BMPR1B: variants seen among roughly 807,000 people sequenced by gnomAD.
BMPR1B encodes the protein bone morphogenetic protein receptor type-1B.
A neutral mutation model predicts 59.1 loss-of-function variants in BMPR1B; 12 were observed. The ratio of observed to expected loss-of-function variants is 0.20; its 90% CI spans 0.13 to 0.33. The LOEUF (loss-of-function observed/expected upper bound fraction) is 0.33, where lower values mean the gene tolerates loss of function less well. BMPR1B is among the 10% of genes least tolerant of loss of function. The pLI, the probability that BMPR1B is intolerant of heterozygous loss-of-function variation, is 1.00. For synonymous variants in BMPR1B, 237 were observed against 207.3 expected, an observed-to-expected ratio of 1.14 and a Z score of -1.23; for missense variants, 550 against 610.9, an observed-to-expected ratio of 0.90 and a Z score of 1.05.
chr4:94,775,813 C>T (rs925396546), intron 1 of BMPR1B, among the ~76,000 whole-genome samples: 6 of 151,914 alleles, frequency 3.9e-5, no homozygotes, highest in African/African-American at 7.3e-5. Context: ...AGCCTTTGGC[C>T]AGATGCAGTG....
At chr4:94,940,934 G>C (rs1012319258) in intron 2 of BMPR1B, among the ~76,000 whole-genome samples, 27 of 151,842 alleles carry the variant, frequency 1.8e-4, no homozygotes, top group African/African-American at 6.5e-4. Context: ...CGTGGTACTA[G>C]GTACATTATA....
At chr4:94,873,312 G>A (rs1255646639) in intron 1 of BMPR1B, among the ~76,000 whole-genome samples, 3 of 151,296 alleles carry the variant, frequency 2.0e-5, no homozygotes, top group Non-Finnish European at 4.4e-5. Flanking sequence ...TTCCTTCATC[G>A]TTTGGAGATG....
chr4:94,998,499 G>A (rs1441820090), intron 3 of BMPR1B, among the ~76,000 whole-genome samples: 1 of 151,566 alleles, frequency 6.6e-6, no homozygotes, highest in Non-Finnish European at 1.5e-5. Flanking sequence ...TTAGCCTCCC[G>A]AGTAGCTGGA....
intron 3 of BMPR1B, among the ~76,000 whole-genome samples, chr4:95,070,046 C>T (rs1257321260): frequency 6.6e-6 from 1 of 152,172 alleles, no homozygotes; most frequent in Non-Finnish European, 1.5e-5. Flanking sequence ...TTGCCATGAG[C>T]CAAGATTGCG....
chr4:94,980,316 G>A (rs947613360), intron 2 of BMPR1B, among the ~76,000 whole-genome samples: 1 of 152,148 alleles, frequency 6.6e-6, no homozygotes, highest in South Asian at 2.1e-4. Context: ...GTTCCAAATA[G>A]GATTACTTAT....
chr4:94,792,865 A>C (rs566193287), intron 1 of BMPR1B, among the ~76,000 whole-genome samples: 3 of 152,322 alleles, frequency 2.0e-5, no homozygotes, highest in African/African-American at 7.2e-5. Context: ...GTTACCTGAA[A>C]AATTTCCAAA....
intron 3 of BMPR1B, among the ~76,000 whole-genome samples, chr4:95,065,684 G>T (rs1340773856): frequency 1.3e-5 from 2 of 152,040 alleles, no homozygotes; most frequent in African/African-American, 4.8e-5. Flanking sequence ...GAGTCAGCCA[G>T]AAATGAAATT....
chr4:95,060,266 G>A (rs1727254821), intron 3 of BMPR1B, among the ~76,000 whole-genome samples: 1 of 151,986 alleles, frequency 6.6e-6, no homozygotes, highest in South Asian at 2.1e-4. Context: ...ATAAAGTTCA[G>A]TTTATTCTTT....
At chr4:94,948,949 T>C (rs1268755713) in intron 2 of BMPR1B, among the ~76,000 whole-genome samples, 7 of 152,204 alleles carry the variant, frequency 4.6e-5, no homozygotes, top group Admixed American at 4.6e-4. Flanking sequence ...TAGTATTCTT[T>C]TGTCTGCAAA....
intron 1 of BMPR1B, among the ~76,000 whole-genome samples, chr4:94,828,750 C>A (rs1284532649): frequency 6.6e-6 from 1 of 152,050 alleles, no homozygotes; most frequent in Non-Finnish European, 1.5e-5. Flanking sequence ...GACCCCACCC[C>A]AAACCTATTG....
At chr4:95,040,421 T>C (rs1306935423) in intron 3 of BMPR1B, among the ~76,000 whole-genome samples, 1 of 152,234 alleles carries the variant, frequency 6.6e-6, no homozygotes, top group Non-Finnish European at 1.5e-5. Flanking sequence ...ACATAAATTT[T>C]ATGCACAATT....
chr4:94,953,307 G>A (rs901004023), intron 2 of BMPR1B, among the ~76,000 whole-genome samples: 1 of 152,096 alleles, frequency 6.6e-6, no homozygotes, highest in Admixed American at 6.6e-5. Flanking sequence ...GTCATTATGA[G>A]GCTAACTGGT....
At chr4:94,921,253 G>A (rs1050470073) in intron 2 of BMPR1B, among the ~76,000 whole-genome samples, 2 of 152,180 alleles carry the variant, frequency 1.3e-5, no homozygotes, top group South Asian at 2.1e-4. Context: ...ATATTGATAC[G>A]TGAACAGAAT....
At chr4:94,960,454 A>G (rs1368478911) in intron 2 of BMPR1B, among the ~76,000 whole-genome samples, 5 of 152,140 alleles carry the variant, frequency 3.3e-5, no homozygotes, top group Non-Finnish European at 7.4e-5. Flanking sequence ...TGTTTTTGGA[A>G]TAGGTGATAG....
At chr4:94,885,149 A>T (rs1229195012) in intron 2 of BMPR1B, among the ~76,000 whole-genome samples, 1 of 152,218 alleles carries the variant, frequency 6.6e-6, no homozygotes, top group Non-Finnish European at 1.5e-5. Context: ...CACATGCTTG[A>T]GGGAACCCAG....
chr4:94,928,097 G>A (rs992002269), intron 2 of BMPR1B, among the ~76,000 whole-genome samples: 5 of 151,776 alleles, frequency 3.3e-5, no homozygotes, highest in African/African-American at 4.8e-5. Flanking sequence ...TCTAGTAGGC[G>A]AAAGTCTCGT....
chr4:94,891,991 C>G (rs1487957048), intron 2 of BMPR1B, among the ~76,000 whole-genome samples: 1 of 152,034 alleles, frequency 6.6e-6, no homozygotes, highest in East Asian at 1.9e-4. Flanking sequence ...GTCCCTCTGA[C>G]ATATAAAGCA....
chr4:94,887,385 T>C (rs1433658720), intron 2 of BMPR1B, among the ~76,000 whole-genome samples: 1 of 133,810 alleles, frequency 7.5e-6, no homozygotes, highest in African/African-American at 2.8e-5. Context: ...AAATACCACC[T>C]TCACCCCCAC....
intron 6 of BMPR1B, among the ~76,000 whole-genome samples, chr4:95,123,451 T>G (rs1364274367): frequency 2.0e-5 from 3 of 152,164 alleles, no homozygotes; most frequent in Non-Finnish European, 4.4e-5. Flanking sequence ...GAGAAGAGCC[T>G]ATGAACCCAT....
Sources: allele counts gnomAD v4.1 joint callset (sites outside exome capture counted in the v4.1 genomes callset), GRCh38; gene constraint gnomAD v4.1.1; transcripts MANE v1.5; gene names NCBI Gene and HGNC (gene_info 2026-07-23, HGNC 2026-07-21).